EML1: variants seen among roughly 807,000 people sequenced by gnomAD.
EML1 encodes the protein echinoderm microtubule-associated protein-like 1.
In EML1, 27 loss-of-function variants were observed where a neutral mutation model predicts 110.4. The ratio of observed to expected loss-of-function variants is 0.24; its 90% CI spans 0.18 to 0.34. The LOEUF (loss-of-function observed/expected upper bound fraction) is 0.34. EML1 is among the 10% of genes least tolerant of loss of function. The probability of loss-of-function intolerance (pLI) is 1.00; values close to 1 mark genes in which losing one functional copy is unlikely to be tolerated. For synonymous variants in EML1, 344 were observed against 385.8 expected (o/e 0.89, Z 1.27); for missense variants, 741 against 1,030.9 (o/e 0.72, Z 3.85).
At chr14:99,868,356 T>G (rs1432989414) in intron 3 of EML1, among the ~76,000 whole-genome samples, 1 of 152,222 alleles carries the variant, frequency 6.6e-6, no homozygotes, top group East Asian at 1.9e-4. Context: ...TCCCTCCTCC[T>G]CAATTCTTTG....
chr14:99,889,685 G>C (rs2059553511), intron 4 of EML1, among the ~76,000 whole-genome samples: 1 of 152,150 alleles, frequency 6.6e-6, no homozygotes, highest in Non-Finnish European at 1.5e-5. Flanking sequence ...CACGGAGCCT[G>C]CTGGGCCAGG....
rs1436475479 is a variant in EML1 at position 99,853,474 on chromosome 14, C to T, written c.250+2439C>T. Among the ~76,000 whole-genome samples, 5 of 151,982 alleles carry T rather than the reference C, an allele frequency of 3.3e-5. No homozygotes were observed. The East Asian group carries it at 9.7e-4, about 30-fold the overall frequency. Reference sequence around the variant, plus strand: ...ATCTTTGAGGCAGCTGCCACGTGGGCACTTGGGAACTGGTGCCCACACCTC... The same window carrying T: ...ATCTTTGAGGCAGCTGCCACGTGGGTACTTGGGAACTGGTGCCCACACCTC... On this transcript the variant is annotated intron_variant, in intron 2 of 21. Coordinates refer to ENST00000262233, the MANE Select transcript of EML1 (RefSeq NM_004434.3).
intron 17 of EML1, among the ~76,000 whole-genome samples, chr14:99,929,117 A>G (rs2060320720): frequency 6.6e-6 from 1 of 152,210 alleles, no homozygotes; most frequent in South Asian, 2.1e-4. Flanking sequence ...AGTTACACTA[A>G]TGACCATTCC....
intron 2 of EML1, among the ~76,000 whole-genome samples, chr14:99,859,761 T>TG (rs2058969521): frequency 6.6e-6 from 1 of 152,180 alleles, no homozygotes; most frequent in African/African-American, 2.4e-5. Context: ...ATGCAGCCCA[T>TG]GGGTTCTCAC....
chr14:99,783,735 G>A lies in EML1; in HGVS notation c.-27+9722G>A, dbSNP rs111355073. ...CCTGACCTCGTGATCTGCCCTCCTC[G>A]GCCTCCCAAAGTGCTGGGATTATAG... On this transcript the variant is annotated intron_variant, in intron 1 of 22. Coordinates refer to the EML1 transcript ENST00000327921. Among the ~76,000 whole-genome samples the A allele has an allele frequency of 6.9e-3, 1,049 of 152,184 alleles. 13 individuals carry two copies. The highest frequency in any genetic ancestry group is 0.024 in the African/African-American group (1,006 of 41,540).
chr14:99,772,092 G>C (rs1184279221), upstream of EML1, among the ~76,000 whole-genome samples: 1 of 152,176 alleles, frequency 6.6e-6, no homozygotes, highest in Non-Finnish European at 1.5e-5. Context: ...ATTTCGGATT[G>C]TATCCTGGAT....
At chr14:99,901,173 C>G (rs539837442) in intron 9 of EML1, 134 bp downstream of exon 9, 76 of 723,548 alleles carry the variant, frequency 1.1e-4, no homozygotes, top group African/African-American at 9.8e-4. Flanking sequence ...TGAAACATTC[C>G]TGCTTCCCAG....
chr14:99,900,931 A>G lies in EML1; in HGVS notation c.900A>G (p.Gln300=), dbSNP rs934157449. The G allele has an allele frequency of 8.1e-6, 13 of 1,613,926 alleles. No homozygotes were observed. Among genetic ancestry groups the G allele is most frequent in the African/African-American group, 4.0e-5 (3 of 74,934 alleles). Residue 300 remains glutamine (Q), a splice_region_variant and synonymous_variant, in exon 9 of 22, where the codon CAA becomes CAG. Transcript: ENST00000262233. Reference sequence around the variant, plus strand: ...CTCTGTGTTTCTTTTCTGAACAGCAATTGCCCCCACATGTGCGCATCTGGG... The same window carrying G: ...CTCTGTGTTTCTTTTCTGAACAGCAGTTGCCCCCACATGTGCGCATCTGGG... ...QVAGTSKDGK[Q]LPPHVRIWDS...
chr14:99,917,086 T>C (rs562945984), intron 15 of EML1, among the ~76,000 whole-genome samples: 26 of 152,232 alleles, frequency 1.7e-4, no homozygotes, highest in Non-Finnish European at 2.9e-4. Flanking sequence ...TGTCATGGAG[T>C]TGGGTGCCGT....
intron 2 of EML1, among the ~76,000 whole-genome samples, chr14:99,862,575 T>C (rs1461378334): frequency 6.6e-6 from 1 of 152,224 alleles, no homozygotes; most frequent in Non-Finnish European, 1.5e-5. Context: ...CAGATACTCG[T>C]TGTGTACTTT....
At chr14:99,875,338 G>T (rs2059272352) in intron 3 of EML1, among the ~76,000 whole-genome samples, 1 of 152,162 alleles carries the variant, frequency 6.6e-6, no homozygotes, top group African/African-American at 2.4e-5. Flanking sequence ...TGATATTGCT[G>T]CAGGGGATTT....
chr14:99,861,254 T>G (rs1412213243), intron 2 of EML1, among the ~76,000 whole-genome samples: 1 of 152,154 alleles, frequency 6.6e-6, no homozygotes, highest in Non-Finnish European at 1.5e-5. Flanking sequence ...GACTATTGGA[T>G]TTAGCGTTCC....
intron 1 of EML1, among the ~76,000 whole-genome samples, chr14:99,795,943 T>G (rs1053761684): frequency 2.6e-5 from 4 of 152,136 alleles, no homozygotes; most frequent in African/African-American, 9.7e-5. Flanking sequence ...GATCAAGATA[T>G]GCGAAGTTGA....
At chr14:99,921,706 A>G (rs1486540305) in intron 17 of EML1, among the ~76,000 whole-genome samples, 1 of 152,164 alleles carries the variant, frequency 6.6e-6, no homozygotes, top group Non-Finnish European at 1.5e-5. Flanking sequence ...TAATAATTGT[A>G]TATATCCCAA....
At position 99,911,489 on chromosome 14, in the gene EML1, A is replaced by C; in HGVS notation, c.1407A>C (p.Leu469Phe). The C allele has an allele frequency of 6.2e-7, 1 of 1,613,058 alleles. No individual in the cohort carries two copies. The highest frequency in any genetic ancestry group is 8.5e-7 in the Non-Finnish European group (1 of 1,179,864). Residue 469 changes from leucine to phenylalanine, a missense_variant, in exon 13 of 22, where the codon TTA becomes TTC. Leu to Phe is a conservative substitution (Grantham distance 22). This residue lies in a region of EML1 where 388 missense variants were observed against 605.6 expected (regional missense o/e 0.64). Coordinates refer to ENST00000262233, the MANE Select transcript of EML1 (RefSeq NM_004434.3). ...HEGGIFALCM[L>F]RDGTLVSGGG... Reference sequence around the variant, plus strand: ...GTGGCATTTTTGCACTTTGTATGTTAAGAGATGGCACACTGGTGTCGGGAG... The same window carrying C: ...GTGGCATTTTTGCACTTTGTATGTTCAGAGATGGCACACTGGTGTCGGGAG...
intron 4 of EML1, among the ~76,000 whole-genome samples, chr14:99,885,703 T>G (rs1025064932): frequency 8.5e-5 from 13 of 152,368 alleles, no homozygotes; most frequent in Admixed American, 3.3e-4. Context: ...CATATTGTTT[T>G]AGTTTTGAGA....
At chr14:99,751,929 C>T (rs1459437717) in intron 1 of EML1, among the ~76,000 whole-genome samples, 1 of 152,078 alleles carries the variant, frequency 6.6e-6, no homozygotes, top group Non-Finnish European at 1.5e-5. Flanking sequence ...GTGACAGGAC[C>T]TCACATCCGT....
At chr14:99,873,932 C>A (rs1311436603) in intron 3 of EML1, among the ~76,000 whole-genome samples, 1 of 152,204 alleles carries the variant, frequency 6.6e-6, no homozygotes, top group Non-Finnish European at 1.5e-5. Flanking sequence ...CAGATCACTG[C>A]TTTTATCCAG....
intron 14 of EML1, 57 bp from the exon 15 acceptor site, chr14:99,914,509 T>C: frequency 6.4e-7 from 1 of 1,553,244 alleles, no homozygotes; most frequent in East Asian, 2.3e-5. Context: ...CCCTTACGGC[T>C]CCTGAGTGCG....
Sources: allele counts gnomAD v4.1 joint callset (sites outside exome capture counted in the v4.1 genomes callset), GRCh38; gene constraint gnomAD v4.1.1; regional missense constraint gnomAD v4.1.1; transcripts MANE v1.5; gene names NCBI Gene and HGNC (gene_info 2026-07-23, HGNC 2026-07-21).